PRKG1: variants seen among roughly 807,000 people sequenced by gnomAD.
PRKG1 encodes protein kinase cGMP-dependent 1.
PRKG1 carries 35 observed loss-of-function variants against 88.1 expected under a neutral mutation model. The ratio of observed to expected loss-of-function variants is 0.40; its 90% CI spans 0.30 to 0.53. The LOEUF (loss-of-function observed/expected upper bound fraction) is 0.53. Among genes scored for constraint, PRKG1 ranks in the 20% least tolerant of loss-of-function variants. The probability of loss-of-function intolerance (pLI) is 0.59; values close to 1 mark genes in which losing one functional copy is unlikely to be tolerated. For synonymous variants in PRKG1, 303 were observed against 292.5 expected, an observed-to-expected ratio of 1.04 and a Z score of -0.37; for missense variants, 540 against 839.8, an observed-to-expected ratio of 0.64 and a Z score of 4.41.
chr10:51,824,742 G>A (rs1000566435), intron 4 of PRKG1, among the ~76,000 whole-genome samples: 2 of 152,090 alleles, frequency 1.3e-5, no homozygotes, highest in African/African-American at 4.8e-5. Flanking sequence ...AAGAGAGAGA[G>A]GAGGAGGTGC....
chr10:51,743,706 A>ATATATTATATAT (rs1837498514), intron 3 of PRKG1, among the ~76,000 whole-genome samples: 3 of 115,618 alleles, frequency 2.6e-5, no homozygotes, highest in African/African-American at 1.1e-4. Flanking sequence ...ATATAATATA[A>ATATATTATATAT]ACTAAATATA....
At chr10:51,388,777 A>G (rs1837319527) in intron 2 of PRKG1, among the ~76,000 whole-genome samples, 2 of 152,290 alleles carry the variant, frequency 1.3e-5, no homozygotes, top group South Asian at 2.1e-4. Context: ...AATGTAGTTG[A>G]CTCTGTACTG....
In PRKG1 at chr10:51,553,814, ATTAGATACGTGTATATAATATATGTATG is replaced by A. The variant is rs1837209054; in HGVS notation, c.592+85980_592+86007del. Among the ~76,000 whole-genome samples the A allele has an allele frequency of 4.5e-5, 5 of 111,502 alleles. 2 individuals carry two copies. Among genetic ancestry groups the A allele is most frequent in the African/African-American group, 1.5e-4 (5 of 32,804 alleles). 73.1% of individuals were successfully genotyped at this position (111,502 alleles called of 152,430 possible). On this transcript the variant is annotated intron_variant, in intron 3 of 17. Transcript: ENST00000373980. ...ATACGTGTATATAATATATGTATGT[ATTAGATACGTGTATATAATATATGTATG>A]TATTAGATACGTGTATATAATATAT...
intron 3 of PRKG1, among the ~76,000 whole-genome samples, chr10:51,508,460 C>G (rs1398664370): frequency 1.3e-5 from 2 of 152,020 alleles, no homozygotes; most frequent in Non-Finnish European, 2.9e-5. Context: ...GTGCAGCATT[C>G]TATTAATTTT....
At chr10:51,108,559 G>A (rs568819549) in intron 1 of PRKG1, among the ~76,000 whole-genome samples, 1 of 152,126 alleles carries the variant, frequency 6.6e-6, no homozygotes, top group Non-Finnish European at 1.5e-5. Context: ...CACAGAAAAG[G>A]CATTGGACTT....
chr10:51,100,196 GT>G (rs1200109227), intron 1 of PRKG1, among the ~76,000 whole-genome samples: 1 of 152,102 alleles, frequency 6.6e-6, no homozygotes, highest in Admixed American at 6.6e-5. Context: ...ACCTGGTCTA[GT>G]TTTGTGTGTA....
At chr10:51,916,838 T>C (rs1053723491) in intron 5 of PRKG1, among the ~76,000 whole-genome samples, 2 of 152,228 alleles carry the variant, frequency 1.3e-5, no homozygotes, top group Non-Finnish European at 2.9e-5. Context: ...ATTACTTGAC[T>C]TTAAAATGGG....
chr10:51,259,997 T>C (rs1171625024), intron 2 of PRKG1, among the ~76,000 whole-genome samples: 1 of 152,238 alleles, frequency 6.6e-6, no homozygotes, highest in East Asian at 1.9e-4. Context: ...TGTACATTGG[T>C]GTTTTTCTAT....
chr10:51,034,667 TTTA>T (rs1564576871), intron 1 of PRKG1, among the ~76,000 whole-genome samples: 2 of 18,178 alleles, frequency 1.1e-4, no homozygotes, highest in African/African-American at 2.5e-4. Context: ...TAATATGTTA[TTTA>T]TATATATATA....
chr10:52,178,747 CCTT>C (rs1463436925), intron 9 of PRKG1, among the ~76,000 whole-genome samples: 1 of 151,928 alleles, frequency 6.6e-6, no homozygotes, highest in Non-Finnish European at 1.5e-5. Flanking sequence ...TATATAATGT[CCTT>C]CTTTGTCTCT....
rs1006901605 is a variant in PRKG1, at chr10:51,968,355, G to A, written c.762+60785G>A. Among the ~76,000 whole-genome samples, 4 of 152,130 alleles carry A rather than the reference G, an allele frequency of 2.6e-5. No homozygotes were observed. The East Asian group carries it at 5.8e-4, about 22-fold the overall frequency. On this transcript the variant is annotated intron_variant, in intron 5 of 17. Coordinates refer to ENST00000373980, the MANE Select transcript of PRKG1 (RefSeq NM_006258.4). ...CCAGGCTATGTAGGCACAGCAAGGA[G>A]CAGAAGAAAGAGCAGGACTGTGGGG...
chr10:51,425,947 A>C (rs771185617), intron 2 of PRKG1, among the ~76,000 whole-genome samples: 4 of 152,196 alleles, frequency 2.6e-5, no homozygotes, highest in Non-Finnish European at 5.9e-5. Flanking sequence ...TTAAAATATA[A>C]TGGAGAAGGG....
At chr10:51,656,357 C>T (rs192901378) in intron 3 of PRKG1, among the ~76,000 whole-genome samples, 2,470 of 152,202 alleles carry the variant, frequency 0.016, 51 homozygotes, top group South Asian at 0.044. Flanking sequence ...TTTGATCACA[C>T]TTGGTCGTGC....
intron 2 of PRKG1, among the ~76,000 whole-genome samples, chr10:51,368,554 T>A (rs1330918250): frequency 6.6e-6 from 1 of 152,024 alleles, no homozygotes; most frequent in African/African-American, 2.4e-5. Context: ...AAATCTTACA[T>A]AGAAAAGGTG....
chr10:51,628,589 T>C (rs1472213469), intron 3 of PRKG1, among the ~76,000 whole-genome samples: 1 of 152,242 alleles, frequency 6.6e-6, no homozygotes, highest in Non-Finnish European at 1.5e-5. Context: ...TCCTATTTCT[T>C]TTCTCCATTT....
At chr10:51,145,228 TC>T (rs1388183176) in intron 1 of PRKG1, among the ~76,000 whole-genome samples, 2 of 152,204 alleles carry the variant, frequency 1.3e-5, no homozygotes, top group African/African-American at 4.8e-5. Flanking sequence ...TATAGTGTAT[TC>T]ATGCTGACCT....
chr10:51,968,096 G>A (rs1439129552), intron 5 of PRKG1, among the ~76,000 whole-genome samples: 1 of 152,106 alleles, frequency 6.6e-6, no homozygotes, highest in Non-Finnish European at 1.5e-5. Context: ...TTGCCTTCTA[G>A]AGTTTTGTTA....
At chr10:51,743,298 C>A (rs1260436115) in intron 3 of PRKG1, among the ~76,000 whole-genome samples, 3 of 152,022 alleles carry the variant, frequency 2.0e-5, no homozygotes, top group Non-Finnish European at 4.4e-5. Flanking sequence ...GGCAGGAACC[C>A]AGATATGCTT....
At chr10:51,116,291 A>C (rs7097013) in intron 1 of PRKG1, among the ~76,000 whole-genome samples, 121,188 of 152,012 alleles carry the variant, frequency 0.8, 48,883 homozygotes, top group South Asian at 0.88. Context: ...CTGCCTCTTG[A>C]AGAAGAGAAA....
Sources: allele counts gnomAD v4.1 joint callset (sites outside exome capture counted in the v4.1 genomes callset), GRCh38; gene constraint gnomAD v4.1.1; transcripts MANE v1.5; gene names NCBI Gene and HGNC (gene_info 2026-07-23, HGNC 2026-07-21).